FABP3: variants seen among roughly 807,000 people sequenced by gnomAD.
The protein encoded by FABP3 is fatty acid binding protein 3, also known as fatty acid-binding protein, heart.
In FABP3, 8 loss-of-function variants were observed where a neutral mutation model predicts 13.4. The observed-to-expected ratio is 0.60, with a 90% CI of 0.35 to 1.07. FABP3 has a LOEUF of 1.07. Among genes scored for constraint, FABP3 ranks in the 50% least tolerant of loss-of-function variants. FABP3 has a pLI of 0.02. For missense variants in FABP3, 135 were observed against 164.7 expected, an observed-to-expected ratio of 0.82 and a Z score of 0.99; for synonymous variants, 64 against 60.0, an observed-to-expected ratio of 1.07 and a Z score of -0.31.
At position 31,365,438 on chromosome 1, in the gene FABP3, G is replaced by C. The variant is rs148091482; in HGVS notation, c.*448C>G. 1.3e-3 allele frequency among the ~76,000 whole-genome samples: 204 copies of C among 152,286 alleles called. No individual in the cohort carries two copies. Among genetic ancestry groups the C allele is most frequent in the African/African-American group, 4.5e-3 (189 of 41,558 alleles). ...TGAACTAGGTCATTTGACCATGGAG[G>C]GGGGGCAGTGTAAAGGCAACGTGTA... On this transcript the variant is annotated 3_prime_UTR_variant, in exon 4 of 4. Coordinates refer to ENST00000373713, the MANE Select transcript of FABP3 (RefSeq NM_004102.5).
intron 2 of FABP3, 24 bp downstream of exon 2, chr1:31,369,361 C>G (rs1177162498): frequency 6.2e-7 from 1 of 1,611,784 alleles, no homozygotes; most frequent in Admixed American, 1.7e-5. Context: ...CTCTCCATTC[C>G]CCACCCCTGT....
chr1:31,370,428 G>A (rs1640187394), intron 1 of FABP3, among the ~76,000 whole-genome samples: 1 of 152,212 alleles, frequency 6.6e-6, no homozygotes, highest in African/African-American at 2.4e-5. Flanking sequence ...AAAGCCTTAG[G>A]CATAGGAGTT....
intron 3 of FABP3, among the ~76,000 whole-genome samples, chr1:31,366,560 G>A (rs1345065824): frequency 6.6e-6 from 1 of 152,218 alleles, no homozygotes; most frequent in Non-Finnish European, 1.5e-5. Context: ...CAAGAATGCA[G>A]TTAACAGGTT....
downstream of FABP3, chr1:31,364,596 T>G (rs1320709200): frequency 5.1e-6 from 1 of 195,032 alleles, no homozygotes; most frequent in Non-Finnish European, 1.1e-5. Context: ...ACCCTTCCTA[T>G]TGGTCTGTCC....
intron 3 of FABP3, among the ~76,000 whole-genome samples, 161 bp from the exon 4 acceptor site, chr1:31,366,100 A>G (rs1486093332): frequency 2.0e-5 from 3 of 148,182 alleles, no homozygotes; most frequent in Non-Finnish European, 4.5e-5. Flanking sequence ...GTGTGTGTGT[A>G]TACATACATA....
chr1:31,364,065 T>A, downstream of FABP3: 1 of 1,613,564 alleles, frequency 6.2e-7, no homozygotes, highest in Non-Finnish European at 8.5e-7. Context: ...AGATAGGAAG[T>A]CATCTGACTC....
At chr1:31,372,877 C>A in intron 1 of FABP3, 65 bp downstream of exon 1, 1 of 1,463,744 alleles carries the variant, frequency 6.8e-7, no homozygotes, top group Non-Finnish European at 9.5e-7. Flanking sequence ...AGGAGTGCTG[C>A]GTGGGGCTAG....
At chr1:31,372,450 G>A (rs148464099) in intron 1 of FABP3, among the ~76,000 whole-genome samples, 2,292 of 152,170 alleles carry the variant, frequency 0.015, 29 homozygotes, top group Non-Finnish European at 0.025. Flanking sequence ...CCTGTCTTAC[G>A]TCCTTCTCAT....
At chr1:31,372,829 C>T (rs1395561756) in intron 1 of FABP3, 113 bp downstream of exon 1, 12 of 1,055,508 alleles carry the variant, frequency 1.1e-5, no homozygotes, top group Non-Finnish European at 1.3e-5. Flanking sequence ...CATCTCCGCG[C>T]TCCCCTATTC....
chr1:31,367,283 G>A (rs1640130484), intron 3 of FABP3, 110 bp downstream of exon 3: 1 of 890,706 alleles, frequency 1.1e-6, no homozygotes, highest in Admixed American at 1.7e-5. Flanking sequence ...CCACTCTCTT[G>A]TCCCAGCTTC....
In FABP3 at chr1:31,365,704, T is replaced by TAAA. The variant is rs5773353; in HGVS notation, c.*179_*181dup. 1,548 of 455,760 alleles carry TAAA rather than the reference T, an allele frequency of 3.4e-3. No individual in the cohort carries two copies. Among genetic ancestry groups the TAAA allele is most frequent in the East Asian group, 6.3e-3 (153 of 24,352 alleles). 28.2% of individuals were successfully genotyped at this position (455,760 alleles called of 1,614,324 possible). ...CCTCAGAGCACCCTATGAGTGCAGT[T>TAAA]AAAAAAAAAAAAAAAAAACCACATA... is the stretch of plus-strand genomic sequence containing the variant. On this transcript the variant is annotated 3_prime_UTR_variant, in exon 4 of 4. Transcript: ENST00000373713.
chr1:31,371,359 T>G (rs1230283320), intron 1 of FABP3, among the ~76,000 whole-genome samples: 1 of 152,150 alleles, frequency 6.6e-6, no homozygotes, highest in Non-Finnish European at 1.5e-5. Flanking sequence ...ATGGAGTGTT[T>G]GAAAAGGAAA....
rs774940953 is a variant in FABP3 at position 31,369,512 on chromosome 1, G to A, written c.119C>T (p.Thr40Ile). ...GTCCCCATTCTTTTCGATGATTGTG[G>A]TAGGCTTGGTCATGCTGGCCACCTG... ...TRQVASMTKP[T>I]TIIEKNGDIL... Residue 40 changes from threonine to isoleucine, a missense_variant, in exon 2 of 4, where the codon ACC becomes ATC. Transcript: ENST00000373713. 6.8e-6 allele frequency: 11 copies of A among 1,614,134 alleles called. No homozygotes were observed. In the South Asian group the frequency reaches 9.9e-5, roughly 15 times the overall value.
chr1:31,371,966 A>G (rs1185759955), intron 1 of FABP3, among the ~76,000 whole-genome samples: 1 of 152,186 alleles, frequency 6.6e-6, no homozygotes, highest in Non-Finnish European at 1.5e-5. Context: ...TAGAAACCTT[A>G]GATTTTCATA....
chr1:31,369,454 C>T lies in FABP3; in HGVS notation c.177G>A (p.Lys59=). The change falls in exon 2 of 4, where the codon AAG becomes AAA. Residue 59 remains lysine (K), a synonymous_variant. Coordinates refer to ENST00000373713, the MANE Select transcript of FABP3 (RefSeq NM_004102.5). ...ILTLKTHSTF[K]NTEISFKLGV... ...CCAACTTAAAGCTGATCTCTGTGTT[C>T]TTGAAGGTGCTGTGTGTTTTTAGGG... is the stretch of plus-strand genomic sequence containing the variant. 6.2e-7 allele frequency: 1 copy of T among 1,614,130 alleles called. No individual in the cohort carries two copies. The highest frequency in any genetic ancestry group is 8.5e-7 in the Non-Finnish European group (1 of 1,180,030).
intron 1 of FABP3, 55 bp downstream of exon 1, chr1:31,372,887 G>A: frequency 7.1e-6 from 11 of 1,538,960 alleles, no homozygotes; most frequent in Non-Finnish European, 8.9e-6. Context: ...CGTGGGGCTA[G>A]GCACGCCACC....
At chr1:31,366,457 C>G (rs1640115065) in intron 3 of FABP3, among the ~76,000 whole-genome samples, 1 of 152,168 alleles carries the variant, frequency 6.6e-6, no homozygotes. Flanking sequence ...CATAGTTCAG[C>G]TGCCACTGAG....
rs1640232318 is a variant in FABP3 at position 31,372,866 on chromosome 1, C to A, written c.73+76G>T. 14 of 1,381,876 alleles carry A rather than the reference C, an allele frequency of 1.0e-5. No individual in the cohort carries two copies. In the Admixed American group the frequency reaches 2.4e-4, roughly 23 times the overall value. The allele number at this position is 1,381,876 out of a possible 1,614,324, so 85.6% of individuals were successfully genotyped here. ...CCAGTCTTAACCAGGAGGGATGCGG[C>A]AGGAGTGCTGCGTGGGGCTAGGCAC... On this transcript the variant is annotated intron_variant, in intron 1 of 3. Transcript: ENST00000373713.
At chr1:31,366,062 ATGTGTGTGTGTGTGTGTGTGTGTGTG>A (rs3049341) in intron 3 of FABP3, 123 bp from the exon 4 acceptor site, 2 of 575,846 alleles carry the variant, frequency 3.5e-6, no homozygotes, top group Non-Finnish European at 6.3e-6. Flanking sequence ...ATATGTATGT[ATGTGTGTGTGTGTGTGTGTGTGTGTG>A]TGTGTGTGTG....
Sources: allele counts gnomAD v4.1 joint callset (sites outside exome capture counted in the v4.1 genomes callset), GRCh38; gene constraint gnomAD v4.1.1; transcripts MANE v1.5; gene names NCBI Gene and HGNC (gene_info 2026-07-23, HGNC 2026-07-21).